HPS5: variants seen among roughly 807,000 people sequenced by gnomAD.
The protein encoded by HPS5 is BLOC-2 complex member HPS5.
Under a neutral mutation model 128.0 loss-of-function variants are expected in HPS5, and 83 were observed. The observed-to-expected ratio is 0.65, with a 90% confidence interval of 0.54 to 0.78. The LOEUF (loss-of-function observed/expected upper bound fraction) is 0.78. Ranked by LOEUF, HPS5 falls within the 30% of genes least tolerant of loss-of-function variation. HPS5 has a pLI of 0.00. For missense variants in HPS5, 1,281 were observed against 1,326.2 expected, an observed-to-expected ratio of 0.97 and a Z score of 0.53; for synonymous variants, 475 against 470.2, an observed-to-expected ratio of 1.01 and a Z score of -0.13.
intron 11 of HPS5, 27 bp from the exon 12 acceptor site, chr11:18,297,011 A>G: frequency 2.1e-6 from 3 of 1,450,468 alleles, no homozygotes; most frequent in Non-Finnish European, 2.9e-6. Flanking sequence ...TTCAAAAAAA[A>G]AAAAAGGTAA....
chr11:18,309,188 T>G (rs1862692193), intron 5 of HPS5, 109 bp from the exon 6 acceptor site: 1 of 1,165,612 alleles, frequency 8.6e-7, no homozygotes. Flanking sequence ...AAAATAAAAT[T>G]TTCAAATAAG....
At chr11:18,296,718 G>A in intron 12 of HPS5, 80 bp downstream of exon 12, 1 of 1,270,866 alleles carries the variant, frequency 7.9e-7, no homozygotes, top group Non-Finnish European at 1.2e-6. Flanking sequence ...GAAATTCCGT[G>A]CACAAGATAA....
In HPS5 at chr11:18,297,579, T is replaced by C. The variant is rs140664361; in HGVS notation, c.1303A>G (p.Arg435Gly). ...EPLDSACSSR[R>G]SSISSHESFS... The stretch of plus-strand genomic sequence containing the variant: ...CTTACATGTGATGAAATGGAGCTTC[T>C]TCTACTGCTACAAGCTGAATCCAAA... Residue 435 changes from arginine (R) to glycine (G), a missense_variant, in exon 11 of 23, where the codon AGA becomes GGA. By Grantham distance (125) the Arg-to-Gly change is moderately radical. Transcript: ENST00000349215. 3.2e-5 allele frequency: 51 copies of C among 1,613,844 alleles called. No individual in the cohort carries two copies. Among genetic ancestry groups the C allele is most frequent in the Non-Finnish European group, 4.2e-5 (49 of 1,179,912 alleles).
Position 18,311,423 on chromosome 11 carries a change from C to A in HPS5, c.248G>T (p.Cys83Phe). The A allele has an allele frequency of 6.2e-7, 1 of 1,610,000 alleles. No individual in the cohort carries two copies. Among genetic ancestry groups the A allele is most frequent in the African/African-American group, 1.3e-5 (1 of 74,878 alleles). Residue 83 changes from cysteine (C) to phenylalanine (F), a missense_variant, in exon 4 of 23, where the codon TGT becomes TTT. By Grantham distance (205) the Cys-to-Phe change is radical. Coordinates refer to ENST00000349215, the MANE Select transcript of HPS5 (RefSeq NM_181507.2). Reference protein sequence around the residue: ...REGAISQVACCLHDDDYVAVA... With the variant: ...REGAISQVACFLHDDDYVAVA... ...AGCAACATAATCATCATCATGTAAA[C>A]AACAGGCGACTTGAGAAATTGCACC...
Position 18,287,062 on chromosome 11 carries a change from C to T in HPS5, c.2718-352G>A, listed in dbSNP as rs557770628. 1.6e-5 allele frequency: 8 copies of T among 514,906 alleles called. No homozygotes were observed. The Admixed American group carries it at 1.9e-4, about 12-fold the overall frequency. The allele number at this position is 514,906 out of a possible 1,614,324, so 31.9% of individuals were successfully genotyped here. A position where few individuals can be genotyped will look rare whatever the true frequency, so the allele number is the denominator to read the frequency against. ...TAGCCACTGCATCCAGCCTGGGCAA[C>T]ATTGTGGCAAATGTGAACCAATCAA... On this transcript the variant is annotated intron_variant, in intron 18 of 22. Coordinates refer to ENST00000349215, the MANE Select transcript of HPS5 (RefSeq NM_181507.2).
At position 18,317,840 on chromosome 11, in the gene HPS5, T is replaced by G. The variant is rs1309344697; in HGVS notation, c.19A>C (p.Ile7Leu). 5.6e-6 allele frequency: 9 copies of G among 1,613,380 alleles called. No homozygotes were observed. The highest frequency in any genetic ancestry group is 2.2e-5 in the South Asian group (2 of 90,882). Residue 7 changes from isoleucine to leucine, a missense_variant, in exon 2 of 23, where the codon ATA (isoleucine) becomes CTA (leucine). By Grantham distance (5) the Ile-to-Leu change is conservative. Transcript: ENST00000349215. MAFVPV[I>L]PESYSHVLAE... is the part of the protein sequence containing the mutation. ...AGAACATGGCTGTAGGACTCTGGTA[T>G]CACTGGCACAAAAGCCATTTAGCCA...
intron 14 of HPS5, 120 bp from the exon 15 acceptor site, chr11:18,293,096 A>G (rs1172738234): frequency 1.3e-6 from 1 of 782,066 alleles, no homozygotes; most frequent in African/African-American, 1.7e-5. Flanking sequence ...ATCTCGGTTC[A>G]TTGCAACCTC....
At chr11:18,296,541 C>G in intron 12 of HPS5, 1 of 601,606 alleles carries the variant, frequency 1.7e-6, no homozygotes, top group South Asian at 2.0e-5. Context: ...ACCTTTCTTT[C>G]ATAACCTTTC....
chr11:18,301,474 A>AAAAG lies in HPS5; in HGVS notation c.897-562_897-559dup, dbSNP rs1554939321. Among the ~76,000 whole-genome samples, 270 of 151,020 alleles carry AAAAG rather than the reference A, an allele frequency of 1.8e-3. 1 individual carries two copies. Among genetic ancestry groups the AAAAG allele is most frequent in the African/African-American group, 4.3e-3 (177 of 41,192 alleles). ...TGTCTCAAAAAAAAAAAAAAAAAAA[A>AAAAG]AAAGAAAGAAAGAAAAGGCTGGTAT... On this transcript the variant is annotated intron_variant, in intron 8 of 22. Transcript: ENST00000349215.
intron 13 of HPS5, 22 bp downstream of exon 13, chr11:18,295,977 A>G (rs1033944697): frequency 3.1e-6 from 5 of 1,608,056 alleles, no homozygotes; most frequent in African/African-American, 1.3e-5. Context: ...ATGGAATTAA[A>G]TGACAAGACT....
intron 4 of HPS5, among the ~76,000 whole-genome samples, chr11:18,311,144 C>T (rs997735088): frequency 6.6e-6 from 1 of 152,136 alleles, no homozygotes; most frequent in Non-Finnish European, 1.5e-5. Flanking sequence ...ATCTCTGTTC[C>T]CTTTATCTTT....
intron 22 of HPS5, chr11:18,280,570 A>G: frequency 1.4e-6 from 1 of 701,124 alleles, no homozygotes; most frequent in Non-Finnish European, 2.6e-6. Context: ...CAGTGTCTGG[A>G]AGACATATTT....
intron 5 of HPS5, 56 bp from the exon 6 acceptor site, chr11:18,309,135 A>C: frequency 6.6e-7 from 1 of 1,505,082 alleles, no homozygotes; most frequent in East Asian, 2.3e-5. Context: ...TACACATGCA[A>C]TCTCTTCCTC....
chr11:18,293,328 C>A (rs1860669174), intron 14 of HPS5, among the ~76,000 whole-genome samples: 1 of 152,158 alleles, frequency 6.6e-6, no homozygotes, highest in African/African-American at 2.4e-5. Context: ...AGCATCATGC[C>A]TGGCTAATTT....
Position 18,312,747 on chromosome 11 carries a change from G to A in HPS5, c.109-723C>T, listed in dbSNP as rs527772243. Among the ~76,000 whole-genome samples, 3 of 152,308 alleles carry A rather than the reference G, an allele frequency of 2.0e-5. No individual in the cohort carries two copies. In the South Asian group the frequency reaches 6.2e-4, roughly 32 times the overall value. On this transcript the variant is annotated intron_variant, in intron 2 of 22. Transcript: ENST00000349215. Reference sequence around the variant, plus strand: ...TTGCCCTTTGCCCCCACTTTCTTGAGATGTTAATGAGAACAGTAAGACTGG... The same window carrying A: ...TTGCCCTTTGCCCCCACTTTCTTGAAATGTTAATGAGAACAGTAAGACTGG...
chr11:18,282,007 A>C lies in HPS5; in HGVS notation c.3272T>G (p.Leu1091Trp). 3 of 1,614,166 alleles carry C rather than the reference A, an allele frequency of 1.9e-6. No homozygotes were observed. Among genetic ancestry groups the C allele is most frequent in the Non-Finnish European group, 2.5e-6 (3 of 1,180,026 alleles). Residue 1091 changes from leucine to tryptophan, a missense_variant, in exon 22 of 23, where the codon TTG becomes TGG. Coordinates refer to ENST00000349215, the MANE Select transcript of HPS5 (RefSeq NM_181507.2). ...LLQECGLALE[L>W]SEKFTRTCDI... ...GCAGGTTCTGGTAAACTTCTCTGACAACTCAAGGGCCAGACCACATTCCTG... is the reference window on the plus strand; with the variant it reads ...GCAGGTTCTGGTAAACTTCTCTGACCACTCAAGGGCCAGACCACATTCCTG...
Position 18,295,090 on chromosome 11 carries a change from G to A in HPS5, c.1714C>T (p.Leu572Phe). ...TCACATGATTGCTCATCACCCCTGAGCTCTGGTCTCACTTTCAGATCAGGG... is the reference window on the plus strand; with the variant it reads ...TCACATGATTGCTCATCACCCCTGAACTCTGGTCTCACTTTCAGATCAGGG... ...TSPDLKVRPE[L>F]RGDEQSCEED... Residue 572 changes from leucine (L) to phenylalanine (F), a missense_variant, in exon 14 of 23, where the codon CTC (leucine) becomes TTC (phenylalanine). By Grantham distance (22) the Leu-to-Phe change is conservative. Transcript: ENST00000349215. 8 of 1,614,082 alleles carry A rather than the reference G, an allele frequency of 5.0e-6. No individual in the cohort carries two copies. The highest frequency in any genetic ancestry group is 6.8e-6 in the Non-Finnish European group (8 of 1,179,970).
intron 10 of HPS5, 114 bp from the exon 11 acceptor site, chr11:18,297,831 GC>G: frequency 1.9e-6 from 2 of 1,032,568 alleles, no homozygotes; most frequent in Non-Finnish European, 3.0e-6. Context: ...TGTAATCCCA[GC>G]ACTCTGGGAG....
Position 18,296,972 on chromosome 11 carries a change from T to C in HPS5, c.1336A>G (p.Ile446Val). The part of the protein sequence containing the change: ...SSISSHESFS[I>V]LDSGIYRIIS... ...ATACGATAAATACCAGAGTCCAAGA[T>C]GCTGAAACTTTCCTAAAAATTAAAA... The change falls in exon 12 of 23, where the codon ATC becomes GTC. Residue 446 changes from isoleucine (I) to valine (V), a missense_variant. By Grantham distance (29) the Ile-to-Val change is conservative (BLOSUM62 3). Transcript: ENST00000349215. 1 of 1,596,058 alleles carries C rather than the reference T, an allele frequency of 6.3e-7. No individual in the cohort carries two copies. The highest frequency in any genetic ancestry group is 8.6e-7 in the Non-Finnish European group (1 of 1,166,892).
Sources: gnomAD v4.1 joint callset for allele counts (sites outside exome capture counted in the v4.1 genomes callset) on GRCh38, gnomAD v4.1.1 for gene constraint, MANE v1.5 for transcripts, NCBI Gene and HGNC (gene_info 2026-07-23, HGNC 2026-07-21) for gene names.